The following UGT2B11 variants were observed in gnomAD, a reference collection of about 807,000 sequenced individuals.
UGT2B11 encodes UDP-glucuronosyltransferase 2B11.
In UGT2B11, 49 loss-of-function variants were observed where a neutral mutation model predicts 51.7. The observed-to-expected ratio is 0.95, with a 90% CI of 0.75 to 1.20. The LOEUF is 1.20. Among genes scored for constraint, UGT2B11 ranks in the 50% most tolerant of loss-of-function variants. UGT2B11 has a pLI of 0.00. For synonymous variants in UGT2B11, 273 were observed against 209.0 expected, an observed-to-expected ratio of 1.31 and a Z score of -2.64; for missense variants, 810 against 622.1, an observed-to-expected ratio of 1.30 and a Z score of -3.21.
Position 69,200,474 on chromosome 4 carries a change from A to AAC in UGT2B11, c.1554_1555dup (p.Phe519CysfsTer16). On this transcript the variant is annotated frameshift_variant, in exon 6 of 6. Coordinates refer to ENST00000446444, the MANE Select transcript of UGT2B11 (RefSeq NM_001073.3). LOFTEE classifies it high-confidence loss of function. ...TTTTCCCTTCTTCCCTTTTCTAGCAAACTTCCAGAAACAAAACAGACAAAA... is the reference window on the plus strand; with the variant it reads ...TTTTCCCTTCTTCCCTTTTCTAGCAAACACTTCCAGAAACAAAACAGACAAAA... The AAC allele has an allele frequency of 1.9e-6, 3 of 1,611,844 alleles. No homozygotes were observed. The highest frequency in any genetic ancestry group is 1.7e-4 in the Middle Eastern group (1 of 6,040).
the UGT2B11 span, among the ~76,000 whole-genome samples, chr4:69,221,531 A>G: frequency 3.9e-5 from 6 of 152,234 alleles, no homozygotes; most frequent in Admixed American, 1.3e-4. Flanking sequence ...TGTTCCCCAT[A>G]TTCATGTAGA....
chr4:69,200,264 G>A lies in UGT2B11; in HGVS notation c.*176C>T, dbSNP rs935267744. 1.2e-5 allele frequency: 11 copies of A among 929,158 alleles called. No individual in the cohort carries two copies. The highest frequency in any genetic ancestry group is 1.2e-4 in the Admixed American group (3 of 25,896). 57.6% of individuals were successfully genotyped at this position (929,158 alleles called of 1,614,324 possible). On this transcript the variant is annotated 3_prime_UTR_variant, in exon 6 of 6. Coordinates refer to ENST00000446444, the MANE Select transcript of UGT2B11 (RefSeq NM_001073.3). ...AAATATTTCTAACCATTACCTGGGT[G>A]GTAAATCTCTGAAAAACAAATTTTT...
chr4:69,201,567 C>T (rs956228973), intron 5 of UGT2B11, among the ~76,000 whole-genome samples: 14 of 151,756 alleles, frequency 9.2e-5, no homozygotes, highest in Admixed American at 7.9e-4. Context: ...CTTTAAGCTT[C>T]CAAAGGTGTT....
At position 69,212,576 on chromosome 4, in the gene UGT2B11, A is replaced by T. The variant is rs771602760; in HGVS notation, c.867T>A (p.Pro289=). The T allele has an allele frequency of 6.2e-7, 1 of 1,607,026 alleles. No individual in the cohort carries two copies. The highest frequency in any genetic ancestry group is 2.2e-5 in the East Asian group (1 of 44,584). The change falls in exon 2 of 6, where the codon CCT becomes CCA. Residue 289 remains proline, a synonymous_variant. Coordinates refer to ENST00000446444, the MANE Select transcript of UGT2B11 (RefSeq NM_001073.3). The part of the protein sequence containing the change: ...GFHCKPAKPL[P]KEMEEFVQSS... The stretch of plus-strand genomic sequence containing the variant: ...AAACCAACAAAAGTATGTTTACCTT[A>T]GGTAGGGGTTTGGCAGGTTTGCAGT...
At position 69,200,336 on chromosome 4, in the gene UGT2B11, TCACAGGAAGAAA is replaced by T; in HGVS notation, c.*92_*103del. On this transcript the variant is annotated 3_prime_UTR_variant, in exon 6 of 6. Transcript: ENST00000446444. ...AATTTTTTTTTTTTTTTTTTTTTTG[TCACAGGAAGAAA>T]GAAATCTTGCATAACAATCTTTTCT... is the stretch of plus-strand genomic sequence containing the variant. 1 of 1,089,436 alleles carries T rather than the reference TCACAGGAAGAAA, an allele frequency of 9.2e-7. No homozygotes were observed. Among genetic ancestry groups the T allele is most frequent in the Non-Finnish European group, 1.2e-6 (1 of 854,690 alleles). The allele number at this position is 1,089,436 out of a possible 1,614,324, so 67.5% of individuals were successfully genotyped here. A position where few individuals can be genotyped will look rare whatever the true frequency, so the allele number is the denominator to read the frequency against.
At chr4:69,206,981 A>G (rs867829460) in intron 3 of UGT2B11, among the ~76,000 whole-genome samples, 29 of 151,682 alleles carry the variant, frequency 1.9e-4, no homozygotes, top group African/African-American at 6.8e-4. Flanking sequence ...CATTGGAATT[A>G]CAAATTATCA....
In UGT2B11 at chr4:69,214,707, T is replaced by C. The variant is rs1273299542; in HGVS notation, c.16A>G (p.Thr6Ala). 1.9e-6 allele frequency: 3 copies of C among 1,612,304 alleles called. No individual in the cohort carries two copies. The highest frequency in any genetic ancestry group is 4.5e-5 in the East Asian group (2 of 44,832). The change falls in exon 1 of 6, where the codon ACT becomes GCT. Residue 6 changes from threonine to alanine, a missense_variant. Transcript: ENST00000446444. MTLKW[T>A]SVLLLIHLSC... ...AGATGTATCAGCAGAAGAACTGAAG[T>C]CCATTTCAGAGTCATCCTGGTGCAA...
intron 1 of UGT2B11, among the ~76,000 whole-genome samples, chr4:69,213,247 T>G (rs148122781): frequency 6.6e-6 from 1 of 151,718 alleles, no homozygotes; most frequent in South Asian, 2.1e-4. Context: ...CTTAATAATA[T>G]TATCATTTAA....
chr4:69,218,883 G>T (rs1259533893), upstream of UGT2B11, among the ~76,000 whole-genome samples: 2 of 151,866 alleles, frequency 1.3e-5, no homozygotes, highest in Non-Finnish European at 2.9e-5. Flanking sequence ...TGCAATTTCT[G>T]GGAGACCCCT....
At chr4:69,214,781 G>A (rs1722214211), upstream of UGT2B11, 3 of 1,553,032 alleles carry the variant, frequency 1.9e-6, no homozygotes, top group African/African-American at 1.4e-5. Flanking sequence ...CTTATATACA[G>A]AGATAAATCA....
Position 69,204,578 on chromosome 4 carries a change from T to G in UGT2B11, c.1162A>C (p.Ile388Leu), listed in dbSNP as rs1267014905. 1 of 1,612,218 alleles carries G rather than the reference T, an allele frequency of 6.2e-7. No homozygotes were observed. Among genetic ancestry groups the G allele is most frequent in the African/African-American group, 1.3e-5 (1 of 74,852 alleles). Reference protein sequence around the residue: ...NGIYEAIYHGIPMVGIPLFFD... With the variant: ...NGIYEAIYHGLPMVGIPLFFD... ...AACAATGGAATGCCCACCATAGGGA[T>G]CCCATGGTAGATTGCCTCATAGATG... Residue 388 changes from isoleucine to leucine, a missense_variant, in exon 5 of 6, where the codon ATC becomes CTC. Physicochemically the swap from Ile to Leu is conservative, Grantham distance 5 (BLOSUM62 2). Coordinates refer to ENST00000446444, the MANE Select transcript of UGT2B11 (RefSeq NM_001073.3).
At chr4:69,202,513 A>G (rs1721698741) in intron 5 of UGT2B11, among the ~76,000 whole-genome samples, 1 of 151,594 alleles carries the variant, frequency 6.6e-6, no homozygotes, top group Non-Finnish European at 1.5e-5. Flanking sequence ...ACCACACATC[A>G]CTTCAAGGAA....
intron 5 of UGT2B11, among the ~76,000 whole-genome samples, chr4:69,202,482 G>A (rs1040516226): frequency 1.7e-4 from 26 of 151,246 alleles, no homozygotes; most frequent in Middle Eastern, 3.4e-3. Flanking sequence ...TTTATATTTC[G>A]TAAGTCTTGA....
chr4:69,210,962 T>G (rs1432548946), intron 2 of UGT2B11: 2 of 151,620 alleles, frequency 1.3e-5, no homozygotes, highest in African/African-American at 4.8e-5. Flanking sequence ...CTGACAGAAG[T>G]TTCTTCATAT....
rs2109941951 is a variant in UGT2B11 at position 69,204,503 on chromosome 4, C to A, written c.1237G>T (p.Val413Phe). 1 of 1,612,302 alleles carries A rather than the reference C, an allele frequency of 6.2e-7. No homozygotes were observed. The highest frequency in any genetic ancestry group is 8.5e-7 in the Non-Finnish European group (1 of 1,178,868). Residue 413 changes from valine (V) to phenylalanine (F), a missense_variant, in exon 5 of 6, where the codon GTT becomes TTT. Physicochemically the swap from Val to Phe is conservative, Grantham distance 50. Coordinates refer to ENST00000446444, the MANE Select transcript of UGT2B11 (RefSeq NM_001073.3). ...GACATTGTGTTGAAGTCCAATCTAA[C>A]AGCTGCTCCCTTGGCCTTCATGTGA... ...IAHMKAKGAAVRLDFNTMSST... is the reference protein window; with the variant it reads ...IAHMKAKGAAFRLDFNTMSST...
the UGT2B11 span, among the ~76,000 whole-genome samples, chr4:69,220,517 T>C: frequency 1.3e-5 from 2 of 150,512 alleles, no homozygotes; most frequent in South Asian, 4.3e-4. Context: ...AGTTTCTTCA[T>C]GATTGTCTCA....
chr4:69,201,926 C>G (rs569824852), intron 5 of UGT2B11, among the ~76,000 whole-genome samples: 94 of 151,876 alleles, frequency 6.2e-4, no homozygotes, highest in Non-Finnish European at 1.1e-3. Flanking sequence ...CTGTTCAGGT[C>G]CTGGTATAAG....
intron 2 of UGT2B11, among the ~76,000 whole-genome samples, chr4:69,209,554 C>T (rs1721981300): frequency 6.6e-6 from 1 of 151,438 alleles, no homozygotes; most frequent in Non-Finnish European, 1.5e-5. Context: ...AAAACTTTTC[C>T]AAATGGTTTT....
chr4:69,217,594 G>A (rs910031167), upstream of UGT2B11, among the ~76,000 whole-genome samples: 13 of 152,098 alleles, frequency 8.5e-5, no homozygotes, highest in Admixed American at 7.2e-4. Flanking sequence ...CTAGTATAAA[G>A]TGACCTTTCC....
Sources: gnomAD v4.1 joint callset for allele counts (sites outside exome capture counted in the v4.1 genomes callset) on GRCh38, gnomAD v4.1.1 for gene constraint, MANE v1.5 for transcripts, NCBI Gene and HGNC (gene_info 2026-07-23, HGNC 2026-07-21) for gene names.